Variants in RIF1 observed in about 807,000 individuals in gnomAD.
RIF1 encodes the protein replication timing regulatory factor 1, also known as telomere-associated protein RIF1.
RIF1 carries 45 observed loss-of-function variants against 247.1 expected under a neutral mutation model. The ratio of observed to expected loss-of-function variants is 0.18; its 90% CI spans 0.14 to 0.23. RIF1 has a LOEUF of 0.23. Among genes scored for constraint, RIF1 ranks in the 10% least tolerant of loss-of-function variants. The probability of loss-of-function intolerance (pLI) is 1.00; values close to 1 mark genes in which losing one functional copy is unlikely to be tolerated. For synonymous variants in RIF1, 1,087 were observed against 978.8 expected (o/e 1.11, Z -2.06); for missense variants, 2,967 against 2,862.5 (o/e 1.04, Z -0.83).
intron 21 of RIF1, among the ~76,000 whole-genome samples, chr2:151,453,209 C>T: frequency 6.6e-6 from 1 of 151,930 alleles, no homozygotes. Flanking sequence ...CCCTTCTGAA[C>T]CATTTTAAGG....
chr2:151,473,665 C>G (rs182694046), intron 34 of RIF1, among the ~76,000 whole-genome samples: 1 of 152,102 alleles, frequency 6.6e-6, no homozygotes, highest in Admixed American at 6.6e-5. Context: ...ATACCACATT[C>G]TTAAACTTGG....
the RIF1 span, chr2:151,530,781 G>A: frequency 1.2e-5 from 5 of 411,384 alleles, no homozygotes; most frequent in Non-Finnish European, 8.7e-6. Flanking sequence ...GCTTGACTGA[G>A]CCCCAGGTGT....
At chr2:151,432,955 A>G (rs1195807261) in intron 9 of RIF1, 122 bp from the exon 10 acceptor site, 7 of 742,846 alleles carry the variant, frequency 9.4e-6, no homozygotes, top group Non-Finnish European at 1.4e-5. Context: ...CTGGGGATTT[A>G]TTTTTTTAAA....
rs151278304 is a variant in RIF1, at chr2:151,420,284, C to A, written c.598C>A (p.His200Asn). Residue 200 changes from histidine (H) to asparagine (N), a missense_variant, in exon 7 of 36, where the codon CAT becomes AAT. Transcript: ENST00000444746. ...PLVVHSAQKV[H>N]LRGATALEMG... ...AGTGGTTCATTCAGCACAAAAGGTA[C>A]ATTTGCGGGGAGCAACTGCTCTGGA... 13 of 1,614,032 alleles carry A rather than the reference C, an allele frequency of 8.1e-6. No homozygotes were observed. The highest frequency in any genetic ancestry group is 1.1e-5 in the Non-Finnish European group (13 of 1,180,008).
intron 9 of RIF1, chr2:151,490,554 A>G (rs967969345): frequency 5.0e-6 from 8 of 1,598,310 alleles, no homozygotes; most frequent in Admixed American, 3.4e-5. Context: ...TGTAGCAAAC[A>G]TGAAATTTCT....
chr2:151,463,934 C>A lies in RIF1; in HGVS notation c.4414C>A (p.Gln1472Lys). 1 of 1,613,168 alleles carries A rather than the reference C, an allele frequency of 6.2e-7. No individual in the cohort carries two copies. Among genetic ancestry groups the A allele is most frequent in the Non-Finnish European group, 8.5e-7 (1 of 1,179,708 alleles). ...VLPKQKLIAE[Q>K]TLQENLIEKG... ...ACCTAAACAAAAACTGATTGCTGAACAAACTCTACAGGAGAATTTAATTGA... is the reference window on the plus strand; with the variant it reads ...ACCTAAACAAAAACTGATTGCTGAAAAAACTCTACAGGAGAATTTAATTGA... Residue 1472 changes from glutamine to lysine, a missense_variant, in exon 30 of 36, where the codon CAA (glutamine) becomes AAA (lysine). Physicochemically the swap from Gln to Lys is moderately conservative, Grantham distance 53. Coordinates refer to ENST00000444746, the MANE Select transcript of RIF1 (RefSeq NM_018151.5).
rs926711230 is a variant in RIF1 at position 151,475,868 on chromosome 2, A to G, written c.*797A>G. ...ATTGTGAATACCTTGGTTCTGTTCA[A>G]TAGAAACATTTTGTATATATTAAAT... On this transcript the variant is annotated 3_prime_UTR_variant, in exon 36 of 36. Transcript: ENST00000444746. 10 of 152,702 alleles carry G rather than the reference A, an allele frequency of 6.5e-5. No individual in the cohort carries two copies. Among genetic ancestry groups the G allele is most frequent in the Non-Finnish European group, 1.2e-4 (8 of 67,990 alleles). 9.5% of individuals were successfully genotyped at this position (152,702 alleles called of 1,614,324 possible).
downstream of RIF1, among the ~76,000 whole-genome samples, chr2:151,509,063 T>C (rs1172257645): frequency 6.6e-6 from 1 of 152,222 alleles, no homozygotes; most frequent in Non-Finnish European, 1.5e-5. Flanking sequence ...TAGCCACTGT[T>C]ATAATGGGGA....
intron 9 of RIF1, chr2:151,494,148 C>G: frequency 6.3e-7 from 1 of 1,591,084 alleles, no homozygotes; most frequent in South Asian, 1.1e-5. Flanking sequence ...ACTTTTGTTT[C>G]TCAAGACAAT....
rs6742953 is a variant in RIF1, at chr2:151,478,474, G to A, written c.*3403G>A. ...GCGCGACAGAGCAAGTCTCTGTCTC[G>A]CAAAAAAAAAAAAAAAGTTTAATTC... is the stretch of plus-strand genomic sequence containing the variant. On this transcript the variant is annotated 3_prime_UTR_variant, in exon 36 of 36. Coordinates refer to ENST00000444746, the MANE Select transcript of RIF1 (RefSeq NM_018151.5). The A allele has an allele frequency of 0.27, 38,289 of 144,248 alleles. 5,494 individuals carry two copies. Among genetic ancestry groups the A allele is most frequent in the Admixed American group, 0.39 (5,667 of 14,676 alleles). 8.9% of individuals were successfully genotyped at this position (144,248 alleles called of 1,614,324 possible).
chr2:151,497,824 T>TA (rs1475315948), intron 10 of RIF1: 5 of 1,528,880 alleles, frequency 3.3e-6, no homozygotes, highest in East Asian at 4.9e-5. Flanking sequence ...AGCCAGAAGT[T>TA]ATATGCTGAC....
intron 21 of RIF1, among the ~76,000 whole-genome samples, chr2:151,452,292 G>A (rs1372143701): frequency 6.6e-6 from 1 of 152,142 alleles, no homozygotes; most frequent in Non-Finnish European, 1.5e-5. Flanking sequence ...TTATTTTGTA[G>A]CAAATAGTTT....
the RIF1 span, among the ~76,000 whole-genome samples, chr2:151,521,945 G>T: frequency 1.3e-5 from 2 of 152,120 alleles, no homozygotes; most frequent in Non-Finnish European, 2.9e-5. Context: ...GGAATTCTTG[G>T]AATGGTGTTT....
rs2065930418 is a variant in RIF1, at chr2:151,503,046, A to C, written c.*722A>C. ...ACTTTTTTCACAGTTTTAATGATGA[A>C]CTCTACAATGCTAATTCTGGAAATG... On this transcript the variant is annotated 3_prime_UTR_variant and NMD_transcript_variant, in exon 12 of 14. Transcript: ENST00000454583. The C allele has an allele frequency of 2.4e-5, 14 of 595,144 alleles. No individual in the cohort carries two copies. In the South Asian group the frequency reaches 3.2e-4, roughly 13 times the overall value. The allele number at this position is 595,144 out of a possible 1,614,324, so 36.9% of individuals were successfully genotyped here. A position where few individuals can be genotyped will look rare whatever the true frequency, so the allele number is the denominator to read the frequency against.
rs1028926801 is a variant in RIF1 at position 151,454,912 on chromosome 2, G to T, written c.2362G>T (p.Asp788Tyr). The T allele has an allele frequency of 6.2e-7, 1 of 1,607,268 alleles. No individual in the cohort carries two copies. The change falls in exon 22 of 36, where the codon GAT (aspartate) becomes TAT (tyrosine). Residue 788 changes from aspartate (D) to tyrosine (Y), a missense_variant. Asp to Tyr is a radical substitution (Grantham distance 160). Around this residue, in one of 7 missense-constraint regions of RIF1, gnomAD observed 2,028 missense variants for 1,825.6 expected, o/e 1.11. Transcript: ENST00000444746. ...PKVKSPQRPS[D>Y]WSKKKNEPLG... The stretch of plus-strand genomic sequence containing the variant: ...GTTTTTAGCACCACAGAGACCTTCA[G>T]ATTGGTCCAAAAAGAAGAATGAGCC...
chr2:151,450,709 G>A (rs62169386), intron 20 of RIF1, among the ~76,000 whole-genome samples: 34,834 of 151,742 alleles, frequency 0.23, 4,719 homozygotes, highest in Admixed American at 0.36. Flanking sequence ...CCAGCCTCCC[G>A]AGTAGCTGGG....
intron 7 of RIF1, 95 bp downstream of exon 7, chr2:151,420,474 C>T (rs1177413688): frequency 8.2e-7 from 1 of 1,217,620 alleles, no homozygotes; most frequent in African/African-American, 1.5e-5. Flanking sequence ...TACGGTGGCT[C>T]TCACCTGTAG....
chr2:151,456,484 A>T, intron 22 of RIF1, 94 bp from the exon 23 acceptor site: 1 of 686,540 alleles, frequency 1.5e-6, no homozygotes, highest in South Asian at 1.9e-5. Context: ...TATATTTATT[A>T]TGTCTTTATT....
intron 14 of RIF1, among the ~76,000 whole-genome samples, chr2:151,439,667 CAAAA>C (rs34523432): frequency 2.7e-5 from 3 of 109,930 alleles, no homozygotes; most frequent in Admixed American, 2.0e-4. Flanking sequence ...GAAACTCCAT[CAAAA>C]AAAAAAAAAA....
Sources: allele counts gnomAD v4.1 joint callset (sites outside exome capture counted in the v4.1 genomes callset), GRCh38; gene constraint gnomAD v4.1.1; regional missense constraint gnomAD v4.1.1; transcripts MANE v1.5; gene names NCBI Gene and HGNC (gene_info 2026-07-23, HGNC 2026-07-21).